Variants in NVL observed in about 807,000 individuals in gnomAD.
NVL encodes the protein nuclear valosin-containing protein-like.
In NVL, 84 loss-of-function variants were observed where a neutral mutation model predicts 110.2. The observed-to-expected ratio is 0.76, with a 90% CI of 0.64 to 0.91. NVL has a LOEUF of 0.91. Among genes scored for constraint, NVL ranks in the 40% least tolerant of loss-of-function variants. The pLI, the probability that NVL is intolerant of heterozygous loss-of-function variation, is 0.00. For missense variants in NVL, 882 were observed against 1,035.9 expected (o/e 0.85, Z 2.04); for synonymous variants, 354 against 361.1 (o/e 0.98, Z 0.22).
chr1:224,266,033 CAGAT>C (rs781528608), intron 18 of NVL, among the ~76,000 whole-genome samples: 5 of 152,116 alleles, frequency 3.3e-5, no homozygotes, highest in Non-Finnish European at 4.4e-5. Context: ...ACATCAAAAC[CAGAT>C]AGTACAAACA....
intron 18 of NVL, chr1:224,256,910 C>A (rs1663328659): frequency 2.3e-6 from 1 of 437,078 alleles, no homozygotes; most frequent in Middle Eastern, 3.4e-4. Flanking sequence ...CCCTATGACA[C>A]AATATATTCA....
intron 17 of NVL, chr1:224,269,935 T>C (rs1257386636): frequency 9.0e-5 from 1 of 11,098 alleles, no homozygotes; most frequent in Non-Finnish European, 1.5e-4. Context: ...TCTTTTTCTT[T>C]CTTTTTTTTT....
Position 224,229,963 on chromosome 1 carries a change from C to T in NVL, c.2526+1263G>A, listed in dbSNP as rs185352436. 1.9e-3 allele frequency among the ~76,000 whole-genome samples: 282 copies of T among 152,252 alleles called. 1 individual carries two copies. The highest frequency in any genetic ancestry group is 2.9e-3 in the Non-Finnish European group (197 of 68,024). On this transcript the variant is annotated intron_variant, in intron 22 of 22. Transcript: ENST00000281701. ...CCTTCTGCCTCGGTCTCCTAAGTAG[C>T]TGGGACTACAGGTGCATGACACCAT...
intron 18 of NVL, among the ~76,000 whole-genome samples, chr1:224,260,126 T>C (rs747846745): frequency 5.9e-5 from 9 of 152,168 alleles, no homozygotes; most frequent in Non-Finnish European, 7.3e-5. Context: ...TCAATTACCT[T>C]CAAATGCATT....
intron 18 of NVL, among the ~76,000 whole-genome samples, chr1:224,264,908 G>A (rs933650855): frequency 1.3e-5 from 2 of 151,982 alleles, no homozygotes; most frequent in East Asian, 3.9e-4. Context: ...CACCATGCCC[G>A]GCTAATCTTT....
intron 18 of NVL, among the ~76,000 whole-genome samples, chr1:224,267,607 A>T (rs1335276023): frequency 6.6e-6 from 1 of 151,720 alleles, no homozygotes; most frequent in African/African-American, 2.4e-5. Flanking sequence ...GAATCACTTG[A>T]ACTCAGGAGG....
At chr1:224,294,174 G>A in intron 12 of NVL, 93 bp downstream of exon 12, 1 of 1,317,716 alleles carries the variant, frequency 7.6e-7, no homozygotes, top group Non-Finnish European at 1.1e-6. Context: ...GAGAGAGAAA[G>A]AAAAGGCTAC....
Position 224,236,555 on chromosome 1 carries a change from C to T in NVL, c.2317G>A (p.Asp773Asn). Residue 773 changes from aspartate (D) to asparagine (N), a missense_variant, in exon 20 of 23, where the codon GAT becomes AAT. Transcript: ENST00000281701. ...KNGTKPPLDADVNLEAIAGDL... is the reference protein window; with the variant it reads ...KNGTKPPLDANVNLEAIAGDL... ...CCAGCAATTGCTTCCAAATTTACAT[C>T]TGCATCCAGTGGTGGTTTGGTACCA... 1 of 1,613,978 alleles carries T rather than the reference C, an allele frequency of 6.2e-7. No individual in the cohort carries two copies. The highest frequency in any genetic ancestry group is 1.1e-5 in the South Asian group (1 of 91,086).
rs576663042 is a variant in NVL at position 224,237,866 on chromosome 1, A to G, written c.2290-1284T>C. Among the ~76,000 whole-genome samples, 5 of 151,084 alleles carry G rather than the reference A, an allele frequency of 3.3e-5. No individual in the cohort carries two copies. In the East Asian group the frequency reaches 9.8e-4, roughly 29 times the overall value. The stretch of plus-strand genomic sequence containing the variant: ...CTACTCGGGACACTGAGGCAGGAGA[A>G]TCACTGGAACCCGGGAGGTGGAGGC... On this transcript the variant is annotated intron_variant, in intron 19 of 22. Transcript: ENST00000281701.
At chr1:224,313,800 C>T (rs992208707) in intron 4 of NVL, among the ~76,000 whole-genome samples, 1 of 152,078 alleles carries the variant, frequency 6.6e-6, no homozygotes, top group Non-Finnish European at 1.5e-5. Context: ...GTCAGGAGTT[C>T]GAGACCAGCC....
At chr1:224,276,577 G>C (rs977869381) in intron 16 of NVL, among the ~76,000 whole-genome samples, 1 of 152,098 alleles carries the variant, frequency 6.6e-6, no homozygotes, top group African/African-American at 2.4e-5. Flanking sequence ...GCTATTTAAT[G>C]ACTATATGGC....
intron 9 of NVL, chr1:224,301,705 C>A: frequency 2.9e-6 from 1 of 340,580 alleles, no homozygotes; most frequent in Non-Finnish European, 5.8e-6. Context: ...GAGGCTGAGG[C>A]AGGAGGATCA....
At chr1:224,277,082 T>C (rs12121597) in intron 16 of NVL, among the ~76,000 whole-genome samples, 152,111 of 152,128 alleles carry the variant, frequency 1, 76,047 homozygotes, top group Non-Finnish European at 1. Context: ...ATTATTATAA[T>C]ATTTGAGCTC....
At chr1:224,231,922 G>A (rs1258421638) in intron 21 of NVL, among the ~76,000 whole-genome samples, 1 of 152,044 alleles carries the variant, frequency 6.6e-6, no homozygotes, top group East Asian at 1.9e-4. Flanking sequence ...CAGCTACTCG[G>A]GAAGCTGAGG....
rs186500200 is a variant in NVL, at chr1:224,326,514, G to T, written c.58-50C>A. On this transcript the variant is annotated intron_variant, in intron 1 of 22. Transcript: ENST00000281701. Reference sequence around the variant, plus strand: ...CAAAACACCCAATATTTCAAACTCAGTGATTTTAATCAACAGATTGAGCTA... The same window carrying T: ...CAAAACACCCAATATTTCAAACTCATTGATTTTAATCAACAGATTGAGCTA... 940 of 1,257,564 alleles carry T rather than the reference G, an allele frequency of 7.5e-4. 7 individuals carry two copies. The African/African-American group carries it at 0.012, about 16-fold the overall frequency. The allele number at this position is 1,257,564 out of a possible 1,614,324, so 77.9% of individuals were successfully genotyped here.
At chr1:224,298,769 T>C (rs3767721) in intron 10 of NVL, among the ~76,000 whole-genome samples, 10,313 of 152,240 alleles carry the variant, frequency 0.068, 449 homozygotes, top group African/African-American at 0.12. Context: ...CTGAAAGATG[T>C]GAGGTGGCTT....
chr1:224,267,923 T>A (rs1664658140), intron 18 of NVL, 111 bp downstream of exon 18: 2 of 726,294 alleles, frequency 2.8e-6, no homozygotes, highest in Non-Finnish European at 4.5e-6. Flanking sequence ...TGAATTATAT[T>A]GTTTATAAAT....
intron 19 of NVL, among the ~76,000 whole-genome samples, chr1:224,241,705 A>G (rs966533847): frequency 6.6e-6 from 1 of 151,754 alleles, no homozygotes; most frequent in Non-Finnish European, 1.5e-5. Flanking sequence ...AAAATACAAA[A>G]CTTAGCCAGG....
chr1:224,250,111 GA>G, intron 19 of NVL, 100 bp downstream of exon 19: 1 of 1,202,336 alleles, frequency 8.3e-7, no homozygotes, highest in Non-Finnish European at 1.2e-6. Flanking sequence ...CACAGCTACA[GA>G]AAAGAAAGTA....
Sources: allele counts gnomAD v4.1 joint callset (sites outside exome capture counted in the v4.1 genomes callset), GRCh38; gene constraint gnomAD v4.1.1; transcripts MANE v1.5; gene names NCBI Gene and HGNC (gene_info 2026-07-23, HGNC 2026-07-21).